KIAA0825: variants seen among roughly 807,000 people sequenced by gnomAD.
KIAA0825 encodes uncharacterized protein KIAA0825.
KIAA0825 carries 119 observed loss-of-function variants against 147.6 expected under a neutral mutation model. The observed-to-expected ratio is 0.81, with a 90% CI of 0.69 to 0.94. The LOEUF (loss-of-function observed/expected upper bound fraction) is 0.94, where lower values mean the gene tolerates loss of function less well. KIAA0825 is among the 40% of genes least tolerant of loss of function. The pLI, the probability that KIAA0825 is intolerant of heterozygous loss-of-function variation, is 0.00. For missense variants in KIAA0825, 1,381 were observed against 1,472.7 expected (o/e 0.94, Z 1.02); for synonymous variants, 470 against 518.1 (o/e 0.91, Z 1.26).
intron 16 of KIAA0825, among the ~76,000 whole-genome samples, chr5:94,397,788 A>G (rs79982531): frequency 2.6e-5 from 4 of 152,046 alleles, no homozygotes; most frequent in African/African-American, 9.7e-5. Context: ...GAGAACCACT[A>G]TTCTATATGA....
intron 20 of KIAA0825, among the ~76,000 whole-genome samples, chr5:94,155,525 C>G (rs1004377015): frequency 6.6e-6 from 1 of 152,022 alleles, no homozygotes; most frequent in African/African-American, 2.4e-5. Flanking sequence ...GATATCTGTT[C>G]CCATACTAGT....
At chr5:94,365,928 A>G (rs922846282) in intron 20 of KIAA0825, among the ~76,000 whole-genome samples, 2 of 152,198 alleles carry the variant, frequency 1.3e-5, no homozygotes, top group African/African-American at 4.8e-5. Context: ...AGTGCTTGAG[A>G]TATTTTGCAG....
chr5:94,450,015 G>A (rs1301512384), intron 13 of KIAA0825, among the ~76,000 whole-genome samples: 2 of 152,100 alleles, frequency 1.3e-5, no homozygotes, highest in African/African-American at 2.4e-5. Flanking sequence ...GGGAGGCAGA[G>A]GTTGCAGTGA....
chr5:94,200,136 G>A (rs995539362), intron 20 of KIAA0825, among the ~76,000 whole-genome samples: 3 of 152,148 alleles, frequency 2.0e-5, no homozygotes, highest in Non-Finnish European at 4.4e-5. Context: ...TAGGCTCCAT[G>A]CAAACTGGAG....
chr5:94,303,724 T>C (rs972449433), intron 20 of KIAA0825, among the ~76,000 whole-genome samples: 3 of 152,052 alleles, frequency 2.0e-5, no homozygotes, highest in Non-Finnish European at 4.4e-5. Flanking sequence ...ACATAATTAG[T>C]AAACGCATTA....
intron 20 of KIAA0825, among the ~76,000 whole-genome samples, chr5:94,283,659 T>G (rs535343105): frequency 1.3e-5 from 2 of 152,268 alleles, no homozygotes; most frequent in Admixed American, 6.5e-5. Flanking sequence ...TTTAAAAAAT[T>G]TATTTGTTAT....
At chr5:94,485,739 T>G (rs1762979868) in intron 5 of KIAA0825, among the ~76,000 whole-genome samples, 1 of 151,816 alleles carries the variant, frequency 6.6e-6, no homozygotes, top group Non-Finnish European at 1.5e-5. Context: ...TTTGTAAGTC[T>G]GAAATTAAAA....
intron 20 of KIAA0825, among the ~76,000 whole-genome samples, chr5:94,367,031 T>C (rs1192032030): frequency 1.3e-5 from 2 of 152,220 alleles, no homozygotes; most frequent in African/African-American, 4.8e-5. Flanking sequence ...GTAAAAACAC[T>C]TTTAAATAAG....
rs1172838355 is a variant in KIAA0825, at chr5:94,356,725, C to CTTTTTTTTTTTTTTTTTTTT, written c.3710+27642_3710+27643insAAAAAAAAAAAAAAAAAAAA. On this transcript the variant is annotated intron_variant, in intron 20 of 20. Coordinates refer to ENST00000682413, the MANE Select transcript of KIAA0825 (RefSeq NM_001145678.3). ...TCAAACTTAAGGTTTAACTTGATTT[C>CTTTTTTTTTTTTTTTTTTTT]TTTTTTTTTTTTTTTTTGAGACGGA... Among the ~76,000 whole-genome samples the CTTTTTTTTTTTTTTTTTTTT allele has an allele frequency of 3.1e-4, 36 of 116,716 alleles. 3 individuals carry two copies. The highest frequency in any genetic ancestry group is 1.1e-3 in the African/African-American group (33 of 29,502). The allele number at this position is 116,716 out of a possible 152,430, so 76.6% of individuals were successfully genotyped here. A position where few individuals can be genotyped will look rare whatever the true frequency, so the allele number is the denominator to read the frequency against.
At chr5:94,470,909 T>C (rs1277661961) in intron 9 of KIAA0825, among the ~76,000 whole-genome samples, 3 of 152,222 alleles carry the variant, frequency 2.0e-5, no homozygotes, top group East Asian at 1.9e-4. Context: ...TGATAATTAA[T>C]GCCTGTGGTC....
At chr5:94,539,395 C>T (rs1772809574) in intron 2 of KIAA0825, among the ~76,000 whole-genome samples, 1 of 152,154 alleles carries the variant, frequency 6.6e-6, no homozygotes, top group Admixed American at 6.5e-5. Flanking sequence ...CTTTCTTGCA[C>T]AAGATCCAAG....
At chr5:94,310,613 G>A (rs920902628) in intron 20 of KIAA0825, among the ~76,000 whole-genome samples, 60 of 151,552 alleles carry the variant, frequency 4.0e-4, no homozygotes, top group Non-Finnish European at 7.7e-4. Context: ...TAAATAATGT[G>A]AACATAAAAG....
intron 20 of KIAA0825, among the ~76,000 whole-genome samples, chr5:94,260,383 G>C (rs1776434032): frequency 6.6e-6 from 1 of 152,088 alleles, no homozygotes; most frequent in Non-Finnish European, 1.5e-5. Flanking sequence ...GTGCAAAAAG[G>C]AGAAAAGAAA....
At chr5:94,320,652 T>C (rs1295125746) in intron 20 of KIAA0825, among the ~76,000 whole-genome samples, 1 of 152,038 alleles carries the variant, frequency 6.6e-6, no homozygotes, top group Non-Finnish European at 1.5e-5. Flanking sequence ...TCCAACTTGC[T>C]GTCTATCTAC....
chr5:94,539,887 A>G (rs968792296), intron 2 of KIAA0825, among the ~76,000 whole-genome samples: 1 of 152,112 alleles, frequency 6.6e-6, no homozygotes, highest in African/African-American at 2.4e-5. Flanking sequence ...CTTTGGATTA[A>G]TCTGCCTTGC....
chr5:94,358,029 A>G (rs1188960102), intron 20 of KIAA0825, among the ~76,000 whole-genome samples: 2 of 152,148 alleles, frequency 1.3e-5, no homozygotes, highest in Admixed American at 6.6e-5. Context: ...TGCTATACAC[A>G]GTATCTATCT....
At chr5:94,422,722 T>C (rs926874844) in intron 14 of KIAA0825, among the ~76,000 whole-genome samples, 2 of 152,180 alleles carry the variant, frequency 1.3e-5, no homozygotes, top group Non-Finnish European at 2.9e-5. Flanking sequence ...TGTGTCTTTA[T>C]GGAGTTTTCA....
chr5:94,308,152 T>C (rs949438937), intron 20 of KIAA0825, among the ~76,000 whole-genome samples: 1 of 151,804 alleles, frequency 6.6e-6, no homozygotes, highest in Admixed American at 6.6e-5. Context: ...GTGTTAGTCC[T>C]GGGAAAATGA....
chr5:94,213,455 C>G (rs1345474996), intron 20 of KIAA0825, among the ~76,000 whole-genome samples: 1 of 152,122 alleles, frequency 6.6e-6, no homozygotes, highest in African/African-American at 2.4e-5. Flanking sequence ...TAGCTAGAAT[C>G]AGCTCTCTAC....
Sources: allele counts gnomAD v4.1 joint callset (sites outside exome capture counted in the v4.1 genomes callset), GRCh38; gene constraint gnomAD v4.1.1; transcripts MANE v1.5; gene names NCBI Gene and HGNC (gene_info 2026-07-23, HGNC 2026-07-21).